The following PYY variants were observed in gnomAD, a reference collection of about 807,000 sequenced individuals.
The protein encoded by PYY is peptide tyrosine tyrosine.
PYY carries 12 observed loss-of-function variants against 10.3 expected under a neutral mutation model. The ratio of observed to expected loss-of-function variants is 1.17; its 90% CI spans 0.75 to 1.89. PYY has a LOEUF of 1.89. PYY is among the 40% of genes most tolerant of loss of function. The pLI is 0.00. For missense variants in PYY, 141 were observed against 134.0 expected, an observed-to-expected ratio of 1.05 and a Z score of -0.26; for synonymous variants, 66 against 62.0, an observed-to-expected ratio of 1.06 and a Z score of -0.30.
rs752399900 is a variant in PYY, at chr17:43,993,459, CA to C, written c.-463+10931del. On this transcript the variant is annotated intron_variant, in intron 1 of 6. Coordinates refer to the PYY transcript ENST00000360085. ...GGGAGACAGAGCGCAACTCCATCTC[CA>C]AAAAAAAAAAAAAAAATTAGCCAGG... 5.6e-3 allele frequency among the ~76,000 whole-genome samples: 577 copies of C among 102,478 alleles called. 1 individual carries two copies. Among genetic ancestry groups the C allele is most frequent in the Admixed American group, 7.1e-3 (68 of 9,634 alleles). The allele number at this position is 102,478 out of a possible 152,430, so 67.2% of individuals were successfully genotyped here.
At chr17:43,965,275 G>A (rs1319088924) in intron 2 of PYY, among the ~76,000 whole-genome samples, 1 of 151,882 alleles carries the variant, frequency 6.6e-6, no homozygotes, top group African/African-American at 2.4e-5. Context: ...GAGGTCAGGA[G>A]TTCAAGACCA....
At chr17:43,984,134 A>C (rs904178921) in intron 1 of PYY, among the ~76,000 whole-genome samples, 1 of 152,064 alleles carries the variant, frequency 6.6e-6, no homozygotes, top group Non-Finnish European at 1.5e-5. Flanking sequence ...CCTTGGATCC[A>C]AGAAGCGATG....
upstream of PYY, among the ~76,000 whole-genome samples, chr17:43,956,352 C>G (rs1033382657): frequency 1.3e-5 from 2 of 152,038 alleles, no homozygotes; most frequent in Admixed American, 1.3e-4. Context: ...GCCTCCTCAT[C>G]GAAGAGCTTA....
intron 1 of PYY, among the ~76,000 whole-genome samples, chr17:43,998,260 T>G (rs201395450): frequency 9.7e-5 from 13 of 133,876 alleles, no homozygotes; most frequent in Non-Finnish European, 1.9e-4. Context: ...TTTTTTTTTT[T>G]AAGAAACAGC....
chr17:43,982,932 G>A (rs2048892847), intron 1 of PYY, among the ~76,000 whole-genome samples: 1 of 152,190 alleles, frequency 6.6e-6, no homozygotes. Context: ...GCCAATTGGG[G>A]TGCCAAAGGC....
At chr17:43,963,622 GAA>G (rs1298199852) in intron 2 of PYY, among the ~76,000 whole-genome samples, 2 of 70,296 alleles carry the variant, frequency 2.8e-5, no homozygotes, top group African/African-American at 8.0e-5. Flanking sequence ...AAGAAAGAAA[GAA>G]AGAGAAAGAA....
chr17:43,963,616 AAGAAAGAAAG>A (rs56108625), intron 2 of PYY, among the ~76,000 whole-genome samples: 7,197 of 93,304 alleles, frequency 0.077, 327 homozygotes, highest in Middle Eastern at 0.17. Context: ...GAAAGAAAGA[AAGAAAGAAAG>A]AGAAAGAAAG....
intron 1 of PYY, among the ~76,000 whole-genome samples, chr17:43,992,015 G>A (rs2143956439): frequency 6.6e-6 from 1 of 151,674 alleles, no homozygotes; most frequent in South Asian, 2.1e-4. Context: ...CAGCTACTCA[G>A]GAGGCTGAGG....
intron 1 of PYY, among the ~76,000 whole-genome samples, chr17:43,978,550 G>A (rs12953033): frequency 0.049 from 7,379 of 152,142 alleles, 211 homozygotes; most frequent in East Asian, 0.082. Context: ...GCTTCCATCA[G>A]TATTTAAAGA....
chr17:43,956,287 A>G (rs1464047287), upstream of PYY, among the ~76,000 whole-genome samples: 1 of 151,378 alleles, frequency 6.6e-6, no homozygotes, highest in East Asian at 1.9e-4. Flanking sequence ...TCATACCCCC[A>G]CCCTCCAATC....
At chr17:43,982,385 T>TA (rs1444426322) in intron 1 of PYY, among the ~76,000 whole-genome samples, 2 of 152,204 alleles carry the variant, frequency 1.3e-5, no homozygotes, top group Admixed American at 6.5e-5. Context: ...CCTGTGTGCA[T>TA]TTTTGTAAGA....
intron 1 of PYY, among the ~76,000 whole-genome samples, chr17:43,976,235 G>A (rs12949868): frequency 0.82 from 87,254 of 106,682 alleles, 36,397 homozygotes; most frequent in East Asian, 0.99. Context: ...ATATACATAT[G>A]CGTATATATA....
At chr17:43,973,502 T>A (rs78643102) in intron 1 of PYY, among the ~76,000 whole-genome samples, 2,086 of 152,194 alleles carry the variant, frequency 0.014, 47 homozygotes, top group African/African-American at 0.048. Context: ...TATACGTTAC[T>A]GAAAAACAAA....
intron 1 of PYY, among the ~76,000 whole-genome samples, chr17:43,989,290 T>C (rs11652156): frequency 0.53 from 80,882 of 151,186 alleles, 22,612 homozygotes; most frequent in Middle Eastern, 0.74. Context: ...AGGAGAATGG[T>C]GTGAACCCAG....
At chr17:43,991,619 A>AT (rs1246133498) in intron 1 of PYY, among the ~76,000 whole-genome samples, 4 of 152,078 alleles carry the variant, frequency 2.6e-5, no homozygotes, top group African/African-American at 9.7e-5. Context: ...CAGTAATGTC[A>AT]TTAAAATATC....
chr17:43,969,792 G>A (rs1297623981), intron 1 of PYY, among the ~76,000 whole-genome samples: 4 of 149,760 alleles, frequency 2.7e-5, no homozygotes, highest in Admixed American at 1.3e-4. Flanking sequence ...CACCCAGACT[G>A]GAGTGCAGTG....
chr17:43,954,086 G>C (rs537210374), upstream of PYY: 1 of 153,070 alleles, frequency 6.5e-6, no homozygotes, highest in Non-Finnish European at 1.5e-5. Flanking sequence ...CAGCCAGTGC[G>C]TGATGTCTCC....
chr17:43,978,367 G>A (rs1403347974), intron 1 of PYY, among the ~76,000 whole-genome samples: 1 of 151,384 alleles, frequency 6.6e-6, no homozygotes, highest in Non-Finnish European at 1.5e-5. Context: ...GAAGTGAACT[G>A]TATTTTGGCT....
intron 1 of PYY, among the ~76,000 whole-genome samples, chr17:43,981,076 C>T (rs1370652987): frequency 2.6e-5 from 4 of 151,132 alleles, no homozygotes; most frequent in African/African-American, 9.7e-5. Flanking sequence ...TGCTATGTTG[C>T]CCAGGCTGGT....
Sources: gnomAD v4.1 joint callset for allele counts (sites outside exome capture counted in the v4.1 genomes callset) on GRCh38, gnomAD v4.1.1 for gene constraint, MANE v1.5 for transcripts, NCBI Gene and HGNC (gene_info 2026-07-23, HGNC 2026-07-21) for gene names.